The following CHD7 variants were observed in gnomAD, a reference collection of about 807,000 sequenced individuals.
CHD7 encodes chromodomain helicase DNA binding protein 7.
In CHD7, 24 loss-of-function variants were observed where a neutral mutation model predicts 307.3. The observed-to-expected ratio is 0.08, with a 90% CI of 0.06 to 0.11. CHD7 has a LOEUF of 0.11. Ranked by LOEUF, CHD7 falls within the 10% of genes least tolerant of loss-of-function variation. The pLI is 1.00. For missense variants in CHD7, 3,106 were observed against 3,727.1 expected (o/e 0.83, Z 4.34); for synonymous variants, 1,363 against 1,349.9 (o/e 1.01, Z -0.21).
chr8:60,748,068 G>A (rs1809423394), intron 2 of CHD7, among the ~76,000 whole-genome samples: 1 of 152,158 alleles, frequency 6.6e-6, no homozygotes, highest in South Asian at 2.1e-4. Context: ...TTGAGGCTTC[G>A]TATGTGCTTT....
chr8:60,763,112 G>A (rs181843377), intron 2 of CHD7, among the ~76,000 whole-genome samples: 15 of 152,252 alleles, frequency 9.9e-5, no homozygotes, highest in Non-Finnish European at 1.5e-4. Context: ...CATATGTGCC[G>A]TGTAAAATTA....
intron 19 of CHD7, 95 bp downstream of exon 19, chr8:60,838,350 GAATTAATCA>G (rs769763711): frequency 4.6e-5 from 51 of 1,114,398 alleles, no homozygotes; most frequent in Non-Finnish European, 6.5e-5. Flanking sequence ...GATGCATTGG[GAATTAATCA>G]AATTAATCAT....
chr8:60,743,062 C>T lies in CHD7; in HGVS notation c.1630C>T (p.Pro544Ser), dbSNP rs1809138542. The change falls in exon 2 of 38, where the codon CCC (proline) becomes TCC (serine). Residue 544 changes from proline (P) to serine (S), a missense_variant. Pro to Ser is a moderately conservative substitution (Grantham distance 74). Coordinates refer to ENST00000423902, the MANE Select transcript of CHD7 (RefSeq NM_017780.4). ...GCCTTGGGCACAGCTCCACCCATCA[C>T]CCCAGAACACCCCGCAGAAAGTGCC... is the stretch of plus-strand genomic sequence containing the variant. The part of the protein sequence containing the change: ...HQPWAQLHPS[P>S]QNTPQKVPVH... The T allele has an allele frequency of 1.2e-6, 2 of 1,613,790 alleles. No individual in the cohort carries two copies. Among genetic ancestry groups the T allele is most frequent in the Non-Finnish European group, 1.7e-6 (2 of 1,179,872 alleles).
rs1393062776 is a variant in CHD7 at position 60,742,390 on chromosome 8, C to G, written c.958C>G (p.Gln320Glu). The G allele has an allele frequency of 6.2e-7, 1 of 1,613,948 alleles. No homozygotes were observed. The highest frequency in any genetic ancestry group is 1.3e-5 in the African/African-American group (1 of 75,038). Residue 320 changes from glutamine (Q) to glutamate (E), a missense_variant, in exon 2 of 38, where the codon CAG (glutamine) becomes GAG (glutamate). Gln to Glu is a conservative substitution (Grantham distance 29). Transcript: ENST00000423902. ...TCGATATCCTTACAGTAACCTAAAT[C>G]AGGGATTAGTTAACAATACAGGGAT... is the stretch of plus-strand genomic sequence containing the variant. ...YSRYPYSNLN[Q>E]GLVNNTGMNQ...
At position 60,844,885 on chromosome 8, in the gene CHD7, T is replaced by C; in HGVS notation, c.4872T>C (p.Ile1624=). The C allele has an allele frequency of 6.2e-7, 1 of 1,604,344 alleles. No homozygotes were observed. The highest frequency in any genetic ancestry group is 8.5e-7 in the Non-Finnish European group (1 of 1,173,084). The change falls in exon 22 of 38, where the codon ATT becomes ATC. Residue 1624 remains isoleucine, a synonymous_variant. Coordinates refer to ENST00000423902, the MANE Select transcript of CHD7 (RefSeq NM_017780.4). ...LVYGWGRWTD[I]LSHGRYKRQL... is the part of the protein sequence containing the mutation. ...GCAGTTGGGGACGGTGGACAGACATTCTTTCCCACGGACGCTATAAACGCC... is the reference window on the plus strand; with the variant it reads ...GCAGTTGGGGACGGTGGACAGACATCCTTTCCCACGGACGCTATAAACGCC...
intron 3 of CHD7, among the ~76,000 whole-genome samples, chr8:60,793,553 CAT>C (rs1586337955): frequency 1.3e-5 from 2 of 152,224 alleles, no homozygotes; most frequent in African/African-American, 4.8e-5. Context: ...TTTTACATGA[CAT>C]ATGCTTTATT....
intron 1 of CHD7, among the ~76,000 whole-genome samples, chr8:60,732,591 C>T (rs1808509065): frequency 5.9e-5 from 9 of 152,090 alleles, no homozygotes; most frequent in Admixed American, 5.9e-4. Context: ...TGAAATAAGT[C>T]TAGAATAAGT....
intron 1 of CHD7, among the ~76,000 whole-genome samples, chr8:60,719,201 G>T (rs953413902): frequency 2.6e-5 from 4 of 152,218 alleles, no homozygotes; most frequent in African/African-American, 7.2e-5. Flanking sequence ...ATATGGGAAA[G>T]GATTTGTCAC....
intron 26 of CHD7, 82 bp from the exon 27 acceptor site, chr8:60,850,950 T>C: frequency 1.0e-6 from 1 of 957,636 alleles, no homozygotes; most frequent in East Asian, 2.6e-5. Flanking sequence ...ACTGGGCAGA[T>C]TATTACTCTT....
chr8:60,706,531 T>A (rs1192340243), intron 1 of CHD7, among the ~76,000 whole-genome samples: 2 of 152,170 alleles, frequency 1.3e-5, no homozygotes, highest in African/African-American at 4.8e-5. Context: ...TAATTACGTA[T>A]TATGAAACTT....
intron 2 of CHD7, among the ~76,000 whole-genome samples, chr8:60,752,728 A>G (rs894830055): frequency 6.6e-6 from 1 of 152,224 alleles, no homozygotes; most frequent in African/African-American, 2.4e-5. Context: ...CCATTAAAAA[A>G]CAATAATAGA....
At chr8:60,712,071 G>A (rs1013141750) in intron 1 of CHD7, among the ~76,000 whole-genome samples, 1 of 152,190 alleles carries the variant, frequency 6.6e-6, no homozygotes, top group African/African-American at 2.4e-5. Flanking sequence ...ATACATAGTT[G>A]GTTTAAGAAG....
intron 2 of CHD7, among the ~76,000 whole-genome samples, chr8:60,756,711 G>A (rs942684778): frequency 3.9e-5 from 6 of 152,016 alleles, no homozygotes; most frequent in African/African-American, 1.5e-4. Flanking sequence ...ACACACATAC[G>A]CGCATACACA....
chr8:60,724,828 TAAA>T (rs1347804871), intron 1 of CHD7, among the ~76,000 whole-genome samples: 2 of 152,188 alleles, frequency 1.3e-5, no homozygotes, highest in Non-Finnish European at 2.9e-5. Context: ...AATAAAAACT[TAAA>T]GAAGAGAAAA....
At chr8:60,703,552 C>T (rs1806873099) in intron 1 of CHD7, among the ~76,000 whole-genome samples, 1 of 152,226 alleles carries the variant, frequency 6.6e-6, no homozygotes, top group Non-Finnish European at 1.5e-5. Flanking sequence ...ATTCGTGATA[C>T]TTCAGTAACT....
chr8:60,849,947 C>T (rs1488508965), intron 25 of CHD7, among the ~76,000 whole-genome samples: 1 of 152,144 alleles, frequency 6.6e-6, no homozygotes, highest in Non-Finnish European at 1.5e-5. Flanking sequence ...TCAACTTGGG[C>T]AGTCAAAAAG....
intron 2 of CHD7, among the ~76,000 whole-genome samples, chr8:60,761,660 A>G (rs538920964): frequency 3.3e-5 from 5 of 151,838 alleles, no homozygotes; most frequent in East Asian, 1.9e-4. Context: ...GCTTCCCTAT[A>G]TCTCTGCCAG....
At chr8:60,764,084 T>C (rs995604620) in intron 2 of CHD7, among the ~76,000 whole-genome samples, 1 of 151,920 alleles carries the variant, frequency 6.6e-6, no homozygotes, top group Non-Finnish European at 1.5e-5. Context: ...GCCTCCCGGG[T>C]TCAAGCCATT....
chr8:60,781,079 A>G lies in CHD7; in HGVS notation c.1745A>G (p.Lys582Arg). The G allele has an allele frequency of 3.1e-6, 5 of 1,611,634 alleles. No homozygotes were observed. Among genetic ancestry groups the G allele is most frequent in the Non-Finnish European group, 4.2e-6 (5 of 1,179,008 alleles). ...AGTGGACCGAATGCTCAGCTAGTGAAGAGTGATGATTACCTGCCATCAATA... is the reference window on the plus strand; with the variant it reads ...AGTGGACCGAATGCTCAGCTAGTGAGGAGTGATGATTACCTGCCATCAATA... ...QVSGPNAQLVKSDDYLPSIEQ... is the reference protein window; with the variant it reads ...QVSGPNAQLVRSDDYLPSIEQ... The change falls in exon 3 of 38, where the codon AAG becomes AGG. Residue 582 changes from lysine (K) to arginine (R), a missense_variant. Around this residue, in one of 10 missense-constraint regions of CHD7, gnomAD observed 998 missense variants for 1,004.5 expected, o/e 0.99. Coordinates refer to ENST00000423902, the MANE Select transcript of CHD7 (RefSeq NM_017780.4).
Sources: gnomAD v4.1 joint callset for allele counts (sites outside exome capture counted in the v4.1 genomes callset) on GRCh38, gnomAD v4.1.1 for gene constraint, gnomAD v4.1.1 regional missense constraint, MANE v1.5 for transcripts, NCBI Gene and HGNC (gene_info 2026-07-23, HGNC 2026-07-21) for gene names.